FAM153A: variants seen among roughly 807,000 people sequenced by gnomAD.
The protein encoded by FAM153A is family with sequence similarity 153 member A, also known as protein FAM153A.
Under a neutral mutation model 48.1 loss-of-function variants are expected in FAM153A, and 12 were observed. The observed-to-expected ratio is 0.25, with a 90% CI of 0.16 to 0.40. The LOEUF (loss-of-function observed/expected upper bound fraction) is 0.40, where lower values mean the gene tolerates loss of function less well. FAM153A is among the 10% of genes least tolerant of loss of function. FAM153A has a pLI of 1.00. For missense variants in FAM153A, 111 were observed against 345.8 expected, an observed-to-expected ratio of 0.32 and a Z score of 5.38; for synonymous variants, 36 against 118.2, an observed-to-expected ratio of 0.30 and a Z score of 4.51.
chr5:177,724,023 C>T (rs1282145805), exon 21 of FAM153A: 2 of 926,348 alleles, frequency 2.2e-6, no homozygotes, highest in Non-Finnish European at 3.3e-6. Flanking sequence ...GTGGAGGGCT[C>T]AGCCCAGCAG....
chr5:177,743,198 T>TG, intron 6 of FAM153A, among the ~76,000 whole-genome samples: 3 of 65,504 alleles, frequency 4.6e-5, no homozygotes, highest in African/African-American at 1.6e-4. Context: ...TTGTTTTTTT[T>TG]TTGTTTTGTT....
downstream of FAM153A, among the ~76,000 whole-genome samples, chr5:177,705,228 T>C (rs2127542420): frequency 6.6e-6 from 1 of 151,234 alleles, no homozygotes; most frequent in South Asian, 2.1e-4. Context: ...CACTTGAACC[T>C]GGCAGGCGGA....
At chr5:177,708,531 C>T (rs542743099), downstream of FAM153A, among the ~76,000 whole-genome samples, 33 of 151,420 alleles carry the variant, frequency 2.2e-4, no homozygotes, top group Non-Finnish European at 2.9e-4. Flanking sequence ...GAGCAGAGAT[C>T]GTGCCATTGC....
At chr5:177,703,316 A>T (rs1360360880), downstream of FAM153A, among the ~76,000 whole-genome samples, 1 of 151,978 alleles carries the variant, frequency 6.6e-6, no homozygotes, top group Non-Finnish European at 1.5e-5. Flanking sequence ...TCAGACTTGC[A>T]TGGGGCCTGT....
chr5:177,740,764 C>T lies in FAM153A; in HGVS notation c.466+13G>A, dbSNP rs201742756. 1.4e-5 allele frequency: 9 copies of T among 660,020 alleles called. No homozygotes were observed. Among genetic ancestry groups the T allele is most frequent in the African/African-American group, 2.1e-5 (1 of 48,028 alleles). 40.9% of individuals were successfully genotyped at this position (660,020 alleles called of 1,614,324 possible). ...AATAAAAACAATAAAAAGAGTAAAC[C>T]CAGAATACATACCTTCTGATGGAAA... On this transcript the variant is annotated intron_variant, in intron 8 of 20. Coordinates refer to ENST00000614127, the Ensembl canonical transcript of FAM153A.
Position 177,715,383 on chromosome 5 carries a change from TAAG to T in FAM153A, c.*1222+959_*1222+961del, listed in dbSNP as rs369030350. On this transcript the variant is annotated intron_variant and NMD_transcript_variant, in intron 25 of 26. Transcript: ENST00000360669. ...GTTCTGTAGCTGTCACTCAATAAGA[TAAG>T]AAAGCTACTGATCTCACCAAATCAA... 2.2e-4 allele frequency among the ~76,000 whole-genome samples: 33 copies of T among 150,828 alleles called. 1 individual carries two copies. Among genetic ancestry groups the T allele is most frequent in the African/African-American group, 8.1e-4 (33 of 40,664 alleles).
chr5:177,746,531 A>G (rs1237579253), intron 4 of FAM153A, among the ~76,000 whole-genome samples: 3 of 151,528 alleles, frequency 2.0e-5, no homozygotes, highest in South Asian at 2.1e-4. Context: ...AATATTCTAC[A>G]TATTCACTAA....
intron 10 of FAM153A, among the ~76,000 whole-genome samples, chr5:177,738,365 C>T (rs1409265006): frequency 6.6e-6 from 1 of 151,400 alleles, no homozygotes; most frequent in Non-Finnish European, 1.5e-5. Flanking sequence ...GTCTGTTTCC[C>T]ATGTGTCACC....
intron 1 of FAM153A, among the ~76,000 whole-genome samples, chr5:177,763,854 AAC>A (rs1180728046): frequency 6.6e-6 from 1 of 150,988 alleles, no homozygotes; most frequent in Non-Finnish European, 1.5e-5. Flanking sequence ...GACAAGGACT[AAC>A]ACCTGGGCTA....
chr5:177,709,148 T>G (rs1758148495), downstream of FAM153A, among the ~76,000 whole-genome samples: 1 of 141,044 alleles, frequency 7.1e-6, no homozygotes, highest in African/African-American at 2.7e-5. Flanking sequence ...AAAAGCCTAG[T>G]TTTGTCACTC....
intron 4 of FAM153A, among the ~76,000 whole-genome samples, chr5:177,746,488 C>T (rs1766025120): frequency 6.6e-6 from 1 of 150,630 alleles, no homozygotes; most frequent in Non-Finnish European, 1.5e-5. Flanking sequence ...AAAAAGCAAC[C>T]TTTCTTCAAA....
At chr5:177,781,730 T>G (rs1382632124), upstream of FAM153A, 2 of 95,256 alleles carry the variant, frequency 2.1e-5, 1 homozygote, top group East Asian at 6.6e-4. Flanking sequence ...TTTGTTTTTC[T>G]TTTTTGGAGA....
At chr5:177,781,232 G>A (rs1199913505), upstream of FAM153A, among the ~76,000 whole-genome samples, 2 of 120,020 alleles carry the variant, frequency 1.7e-5, no homozygotes, top group Non-Finnish European at 3.4e-5. Context: ...CGGAGTAGCT[G>A]GGACTATGGG....
intron 4 of FAM153A, among the ~76,000 whole-genome samples, chr5:177,746,657 T>C (rs1264242435): frequency 6.7e-6 from 1 of 149,160 alleles, no homozygotes; most frequent in Non-Finnish European, 1.5e-5. Flanking sequence ...CTTTTAACAC[T>C]GTGTGTGTGT....
chr5:177,709,592 A>G (rs1289333527), downstream of FAM153A, among the ~76,000 whole-genome samples: 1 of 144,976 alleles, frequency 6.9e-6, no homozygotes, highest in African/African-American at 2.6e-5. Context: ...CAAACTCCTG[A>G]CCTCGTGATT....
chr5:177,714,885 G>GA (rs1180100775), intron 25 of FAM153A, among the ~76,000 whole-genome samples: 2 of 99,468 alleles, frequency 2.0e-5, no homozygotes, highest in Admixed American at 1.1e-4. Flanking sequence ...AGAATGACAA[G>GA]AAAAAAAGCT....
intron 1 of FAM153A, chr5:177,753,041 C>T: frequency 3.6e-6 from 2 of 554,256 alleles, no homozygotes; most frequent in South Asian, 4.5e-5. Flanking sequence ...AGTAATAAAA[C>T]TCTGAAACAT....
At chr5:177,756,626 A>G (rs1257617019), upstream of FAM153A, among the ~76,000 whole-genome samples, 5 of 151,978 alleles carry the variant, frequency 3.3e-5, no homozygotes, top group South Asian at 6.2e-4. Context: ...CAGAAGTTAT[A>G]ACAAACTGTC....
At position 177,766,164 on chromosome 5, in the gene FAM153A, T is replaced by A. The variant is rs1433405924; in HGVS notation, c.-57+14285A>T. Among the ~76,000 whole-genome samples the A allele has an allele frequency of 1.1e-4, 10 of 92,318 alleles. No homozygotes were observed. The East Asian group carries it at 1.1e-3, about 10-fold the overall frequency. The allele number at this position is 92,318 out of a possible 152,430, so 60.6% of individuals were successfully genotyped here. A position where few individuals can be genotyped will look rare whatever the true frequency, so the allele number is the denominator to read the frequency against. On this transcript the variant is annotated intron_variant, in intron 1 of 8. Transcript: ENST00000393518. The stretch of plus-strand genomic sequence containing the variant: ...CAAACAGAAAAACATGCCAATAGGA[T>A]AAAAAAAAAAAAGAAAGACAAGTAC...
Sources: allele counts gnomAD v4.1 joint callset (sites outside exome capture counted in the v4.1 genomes callset), GRCh38; gene constraint gnomAD v4.1.1; transcripts MANE v1.5; gene names NCBI Gene and HGNC (gene_info 2026-07-23, HGNC 2026-07-21).